The following SERINC5 variants were observed in gnomAD, a reference collection of about 807,000 sequenced individuals.
The protein encoded by SERINC5 is serine incorporator 5, also known as chromosome 5 open reading frame 12.
Under a neutral mutation model 63.1 loss-of-function variants are expected in SERINC5, and 41 were observed. The observed-to-expected ratio is 0.65, with a 90% CI of 0.51 to 0.84. The LOEUF (loss-of-function observed/expected upper bound fraction) is 0.84, where lower values mean the gene tolerates loss of function less well. Ranked by LOEUF, SERINC5 falls within the 40% of genes least tolerant of loss-of-function variation. The pLI is 0.00. For synonymous variants in SERINC5, 222 were observed against 215.2 expected, an observed-to-expected ratio of 1.03 and a Z score of -0.28; for missense variants, 523 against 573.0, an observed-to-expected ratio of 0.91 and a Z score of 0.89.
intron 11 of SERINC5, chr5:80,116,349 C>T: frequency 2.2e-6 from 1 of 456,184 alleles, no homozygotes; most frequent in Non-Finnish European, 4.4e-6. Context: ...AAATCAAAAT[C>T]TCACCTTGTG....
intron 1 of SERINC5, among the ~76,000 whole-genome samples, chr5:80,236,259 C>T (rs545398914): frequency 6.6e-6 from 1 of 152,222 alleles, no homozygotes; most frequent in East Asian, 1.9e-4. Context: ...TAGGGATTAT[C>T]CCATTTTACA....
chr5:80,202,755 G>A (rs930733681), intron 2 of SERINC5, 131 bp downstream of exon 2: 7 of 771,818 alleles, frequency 9.1e-6, no homozygotes, highest in South Asian at 4.5e-5. Flanking sequence ...CAGGCTTCAG[G>A]AAGGTTCAAG....
chr5:80,230,866 G>A (rs1399569599), intron 1 of SERINC5, among the ~76,000 whole-genome samples: 1 of 152,060 alleles, frequency 6.6e-6, no homozygotes. Context: ...TGGATGGAGT[G>A]CAGTGGCACG....
chr5:80,221,736 T>C (rs1008886755), intron 1 of SERINC5, among the ~76,000 whole-genome samples: 1 of 152,066 alleles, frequency 6.6e-6, no homozygotes, highest in Non-Finnish European at 1.5e-5. Context: ...AGGATATGTT[T>C]TGTTGTCTGT....
chr5:80,197,023 C>T (rs1223969561), intron 2 of SERINC5, among the ~76,000 whole-genome samples: 1 of 152,122 alleles, frequency 6.6e-6, no homozygotes, highest in African/African-American at 2.4e-5. Flanking sequence ...GAATGAAGTA[C>T]ATATGCTACA....
In SERINC5 at chr5:80,138,823, T is replaced by A; in HGVS notation, c.*4840A>T. On this transcript the variant is annotated 3_prime_UTR_variant, in exon 12 of 12. Transcript: ENST00000507668. Reference sequence around the variant, plus strand: ...ACCTGATTAACATCTGAAGGCAACATCTCTGCAAAACAACTAACTTGAGTA... The same window carrying A: ...ACCTGATTAACATCTGAAGGCAACAACTCTGCAAAACAACTAACTTGAGTA... The A allele has an allele frequency of 5.1e-6, 5 of 984,516 alleles. No individual in the cohort carries two copies. The highest frequency in any genetic ancestry group is 6.0e-6 in the Non-Finnish European group (5 of 829,176). 61.0% of individuals were successfully genotyped at this position (984,516 alleles called of 1,614,324 possible). A position where few individuals can be genotyped will look rare whatever the true frequency, so the allele number is the denominator to read the frequency against.
At chr5:80,186,501 T>G (rs1474778327) in intron 2 of SERINC5, among the ~76,000 whole-genome samples, 2 of 152,114 alleles carry the variant, frequency 1.3e-5, no homozygotes. Flanking sequence ...AAAATAGCAC[T>G]CACTACTTGT....
chr5:80,127,697 T>C (rs1744798057), intron 11 of SERINC5, among the ~76,000 whole-genome samples: 1 of 152,146 alleles, frequency 6.6e-6, no homozygotes, highest in Admixed American at 6.5e-5. Flanking sequence ...TGTTAATTTA[T>C]AAATCAGTTT....
intron 11 of SERINC5, among the ~76,000 whole-genome samples, chr5:80,130,818 A>G (rs1177317162): frequency 1.3e-5 from 2 of 152,186 alleles, no homozygotes; most frequent in Non-Finnish European, 2.9e-5. Flanking sequence ...AGCACCTATT[A>G]TGTACCAGGC....
At position 80,141,496 on chromosome 5, in the gene SERINC5, C is replaced by T. The variant is rs1004892388; in HGVS notation, c.*2167G>A. On this transcript the variant is annotated 3_prime_UTR_variant, in exon 12 of 12. Transcript: ENST00000507668. ...AAATCACACCAGCTGGCAGCCAGAC[C>T]CAGCCGAGAGGACAAAGCAAGGGCT... 4.1e-6 allele frequency: 4 copies of T among 985,534 alleles called. No individual in the cohort carries two copies. Among genetic ancestry groups the T allele is most frequent in the Non-Finnish European group, 4.8e-6 (4 of 830,024 alleles). The allele number at this position is 985,534 out of a possible 1,614,324, so 61.0% of individuals were successfully genotyped here. A position where few individuals can be genotyped will look rare whatever the true frequency, so the allele number is the denominator to read the frequency against.
chr5:80,246,586 C>G (rs979289729), intron 1 of SERINC5, among the ~76,000 whole-genome samples: 5 of 152,176 alleles, frequency 3.3e-5, no homozygotes, highest in African/African-American at 2.4e-5. Flanking sequence ...TAAAAACCCA[C>G]TAAGTCTTTC....
chr5:80,116,530 A>G (rs1744327383), intron 11 of SERINC5, among the ~76,000 whole-genome samples: 1 of 152,038 alleles, frequency 6.6e-6, no homozygotes, highest in African/African-American at 2.4e-5. Context: ...TGAGGCAGAG[A>G]GTGAGAGCCA....
chr5:80,228,118 G>A (rs949986472), intron 1 of SERINC5, among the ~76,000 whole-genome samples: 1 of 150,432 alleles, frequency 6.6e-6, no homozygotes, highest in African/African-American at 2.5e-5. Flanking sequence ...TGTAGTCTCA[G>A]CTGCCCAGGA....
rs1373522188 is a variant in SERINC5, at chr5:80,139,063, A to G, written c.*4600T>C. 3.0e-6 allele frequency: 3 copies of G among 983,654 alleles called. No homozygotes were observed. The highest frequency in any genetic ancestry group is 1.1e-4 in the East Asian group (1 of 8,808). 60.9% of individuals were successfully genotyped at this position (983,654 alleles called of 1,614,324 possible). ...TTCAAAAGTTACCAAAATTCGAATCATATCAGAGACCATTATAAATTTCAA... is the reference window on the plus strand; with the variant it reads ...TTCAAAAGTTACCAAAATTCGAATCGTATCAGAGACCATTATAAATTTCAA... On this transcript the variant is annotated 3_prime_UTR_variant, in exon 12 of 12. Coordinates refer to ENST00000507668, the MANE Select transcript of SERINC5 (RefSeq NM_001174072.3).
At chr5:80,170,051 CCT>C (rs1747549826) in intron 5 of SERINC5, among the ~76,000 whole-genome samples, 1 of 152,204 alleles carries the variant, frequency 6.6e-6, no homozygotes, top group South Asian at 2.1e-4. Context: ...GTGACATTCC[CCT>C]GAGATTTTAA....
chr5:80,239,679 C>T lies in SERINC5; in HGVS notation c.27+16217G>A, dbSNP rs567016046. 2.0e-4 allele frequency among the ~76,000 whole-genome samples: 30 copies of T among 152,134 alleles called. No homozygotes were observed. In the South Asian group the frequency reaches 5.4e-3, roughly 27 times the overall value. On this transcript the variant is annotated intron_variant, in intron 1 of 11. Coordinates refer to ENST00000507668, the MANE Select transcript of SERINC5 (RefSeq NM_001174072.3). ...CACAGACCATGCCCACCTTCCACTC[C>T]GCCTCTTTTAACTTTATTATACAAA...
intron 1 of SERINC5, among the ~76,000 whole-genome samples, chr5:80,226,673 C>T (rs1751179428): frequency 6.6e-6 from 1 of 152,146 alleles, no homozygotes; most frequent in Admixed American, 6.5e-5. Flanking sequence ...ATCCCACCAC[C>T]GTTCCGAAAG....
At chr5:80,213,476 C>T (rs10068511) in intron 1 of SERINC5, among the ~76,000 whole-genome samples, 23,417 of 152,092 alleles carry the variant, frequency 0.15, 2,079 homozygotes, top group Admixed American at 0.19. Context: ...GGCTCTTTGC[C>T]ATTCTTCTCC....
At chr5:80,183,372 A>C (rs1748579192) in intron 2 of SERINC5, among the ~76,000 whole-genome samples, 1 of 152,162 alleles carries the variant, frequency 6.6e-6, no homozygotes, top group Admixed American at 6.5e-5. Context: ...TTAGGGCATC[A>C]CCAAGGGGTA....
Sources: allele counts gnomAD v4.1 joint callset (sites outside exome capture counted in the v4.1 genomes callset), GRCh38; gene constraint gnomAD v4.1.1; transcripts MANE v1.5; gene names NCBI Gene and HGNC (gene_info 2026-07-23, HGNC 2026-07-21).